The following OR9A2 variants were observed in gnomAD, a reference collection of about 807,000 sequenced individuals.
OR9A2 encodes the protein olfactory receptor 9A2.
A neutral mutation model predicts 18.7 loss-of-function variants in OR9A2; 14 were observed. The ratio of observed to expected loss-of-function variants is 0.75; its 90% CI spans 0.50 to 1.17. OR9A2 has a LOEUF of 1.17. Ranked by LOEUF, OR9A2 falls within the 50% of genes most tolerant of loss-of-function variation. OR9A2 has a pLI of 0.00. For synonymous variants in OR9A2, 142 were observed against 142.6 expected, an observed-to-expected ratio of 1.00 and a Z score of 0.03; for missense variants, 353 against 372.7, an observed-to-expected ratio of 0.95 and a Z score of 0.44.
rs947348213 is a variant in OR9A2, at chr7:143,026,300, G to T, written c.833C>A (p.Thr278Asn). 9.3e-6 allele frequency: 15 copies of T among 1,613,918 alleles called. No homozygotes were observed. Among genetic ancestry groups the T allele is most frequent in the Middle Eastern group, 1.6e-4 (1 of 6,084 alleles). Reference sequence around the variant, plus strand: ...AAAGATGAAAGGATTCAGGAAGGGGGTTAACACAGAAACCAACAGGGAAAC... The same window carrying T: ...AAAGATGAAAGGATTCAGGAAGGGGTTTAACACAGAAACCAACAGGGAAAC... ...KIVSLLVSVL[T>N]PFLNPFIFTL... is the part of the protein sequence containing the mutation. Residue 278 changes from threonine (T) to asparagine (N), a missense_variant, in exon 1 of 1, where the codon ACC (threonine) becomes AAC (asparagine). By Grantham distance (65) the Thr-to-Asn change is moderately conservative. Transcript: ENST00000350513.
In OR9A2 at chr7:143,026,656, T is replaced by C. The variant is rs551853129; in HGVS notation, c.477A>G (p.Thr159=). ...TTGATTTGCGGAAGGTAAACTGAAA[T>C]GTGGCATAGATGGGCCAGATTTCAG... is the stretch of plus-strand genomic sequence containing the variant. ...FLSEIWPIYA[T]FQFTFRKSNS... The change falls in exon 1 of 1, where the codon ACA becomes ACG. Residue 159 remains threonine, a synonymous_variant. Transcript: ENST00000350513. 1.2e-6 allele frequency: 2 copies of C among 1,614,058 alleles called. No individual in the cohort carries two copies. The highest frequency in any genetic ancestry group is 1.7e-6 in the Non-Finnish European group (2 of 1,180,048).
chr7:143,027,119 T>C lies in OR9A2; in HGVS notation c.14A>G (p.His5Arg). 1 of 1,591,926 alleles carries C rather than the reference T, an allele frequency of 6.3e-7. No individual in the cohort carries two copies. The highest frequency in any genetic ancestry group is 1.1e-5 in the South Asian group (1 of 87,028). Residue 5 changes from histidine to arginine, a missense_variant, in exon 1 of 1, where the codon CAC becomes CGC. Coordinates refer to ENST00000350513, the MANE Select transcript of OR9A2 (RefSeq NM_001001658.1). MMDN[H>R]SSATEFHLLG... ...AAGGTGGAATTCAGTGGCACTAGAG[T>C]GGTTGTCCATCATTTAGTCCTTGAT...
chr7:143,026,956 A>T lies in OR9A2; in HGVS notation c.177T>A (p.Tyr59Ter). The part of the protein sequence containing the change: ...CVDKRLQSPM[Y>*]FFLSHLSTLE... ...GGGTAGAGAGGTGGCTGAGGAAGAA[A>T]TACATGGGGGACTGCAGACGTTTAT... The change falls in exon 1 of 1, where the codon TAT (tyrosine) becomes TAA (stop). Residue 59 changes from tyrosine (Y) to a stop codon, truncating the protein, a stop_gained. Coordinates refer to ENST00000350513, the MANE Select transcript of OR9A2 (RefSeq NM_001001658.1). LOFTEE classifies it high-confidence loss of function. The T allele has an allele frequency of 6.2e-7, 1 of 1,614,186 alleles. No homozygotes were observed. The highest frequency in any genetic ancestry group is 8.5e-7 in the Non-Finnish European group (1 of 1,180,022).
rs771530982 is a variant in OR9A2 at position 143,026,375 on chromosome 7, A to C, written c.758T>G (p.Phe253Cys). 12 of 1,614,188 alleles carry C rather than the reference A, an allele frequency of 7.4e-6. No individual in the cohort carries two copies. Among genetic ancestry groups the C allele is most frequent in the Non-Finnish European group, 1.0e-5 (12 of 1,180,044 alleles). Residue 253 changes from phenylalanine (F) to cysteine (C), a missense_variant, in exon 1 of 1, where the codon TTT (phenylalanine) becomes TGT (cysteine). Coordinates refer to ENST00000350513, the MANE Select transcript of OR9A2 (RefSeq NM_001001658.1). ...CVVIGYGSCL[F>C]LYVKPKQTQG... ...TGTTTGCTTGGGTTTCACGTAGAGA[A>C]ACAAGCAGCTGCCATAGCCAATCAC...
At position 143,026,503 on chromosome 7, in the gene OR9A2, C is replaced by T. The variant is rs375038215; in HGVS notation, c.630G>A (p.Thr210=). 33 of 1,613,740 alleles carry T rather than the reference C, an allele frequency of 2.0e-5. No homozygotes were observed. Among genetic ancestry groups the T allele is most frequent in the East Asian group, 6.7e-5 (3 of 44,884 alleles). ...AGATAATGTAGGTGTAGGAGACAAT[C>T]GTAGGGATCAAAGAACCAATGAGAA... ...VFILIGSLIP[T]IVSYTYIIST... Residue 210 remains threonine (T), a synonymous_variant, in exon 1 of 1, where the codon ACG becomes ACA. Coordinates refer to ENST00000350513, the MANE Select transcript of OR9A2 (RefSeq NM_001001658.1).
At position 143,026,837 on chromosome 7, in the gene OR9A2, A is replaced by G. The variant is rs373701138; in HGVS notation, c.296T>C (p.Leu99Pro). The change falls in exon 1 of 1, where the codon CTC becomes CCC. Residue 99 changes from leucine to proline, a missense_variant. Leu to Pro is a moderately conservative substitution (Grantham distance 98). Transcript: ENST00000350513. ...CRQYLSLHVSLNFSCGTMEFA... is the reference protein window; with the variant it reads ...CRQYLSLHVSPNFSCGTMEFA... ...CTCCATGGTCCCACAGGAAAAGTTG[A>G]GCGATACATGTAGAGAAAGATACTG... is the stretch of plus-strand genomic sequence containing the variant. 3.1e-6 allele frequency: 5 copies of G among 1,614,082 alleles called. No homozygotes were observed. The highest frequency in any genetic ancestry group is 2.7e-5 in the African/African-American group (2 of 74,916).
Position 143,026,621 on chromosome 7 carries a change from T to G in OR9A2, c.512A>C (p.Asp171Ala). ...TTGCCCTCGGTCACAGTAAAAATGG[T>G]CTAATGAATTTGATTTGCGGAAGGT... ...QFTFRKSNSL[D>A]HFYCDRGQLL... Residue 171 changes from aspartate to alanine, a missense_variant, in exon 1 of 1, where the codon GAC becomes GCC. Physicochemically the swap from Asp to Ala is moderately radical, Grantham distance 126. Transcript: ENST00000350513. 2 of 1,614,166 alleles carry G rather than the reference T, an allele frequency of 1.2e-6. No homozygotes were observed. The highest frequency in any genetic ancestry group is 1.1e-5 in the South Asian group (1 of 91,084).
Position 143,027,055 on chromosome 7 carries a change from A to C in OR9A2, c.78T>G (p.Leu26=), listed in dbSNP as rs60968042. 5,371 of 1,613,916 alleles carry C rather than the reference A, an allele frequency of 3.3e-3. 144 individuals carry two copies. The African/African-American group carries it at 0.063, about 19-fold the overall frequency. Residue 26 remains leucine (L), a synonymous_variant, in exon 1 of 1, where the codon CTT becomes CTG. Transcript: ENST00000350513. The part of the protein sequence containing the change: ...FPGSQGLHHI[L]FAIFFFFYLV... ...AATAGAAGAAAAAGAATATAGCAAA[A>C]AGAATGTGGTGTAGTCCTTGGGACC... is the stretch of plus-strand genomic sequence containing the variant.
rs1310439359 is a variant in OR9A2, at chr7:143,027,016, C to T, written c.117G>A (p.Met39Ile). The T allele has an allele frequency of 1.9e-6, 3 of 1,613,928 alleles. No homozygotes were observed. The highest frequency in any genetic ancestry group is 2.5e-6 in the Non-Finnish European group (3 of 1,180,004). The change falls in exon 1 of 1, where the codon ATG (methionine) becomes ATA (isoleucine). Residue 39 changes from methionine (M) to isoleucine (I), a missense_variant. Physicochemically the swap from Met to Ile is conservative, Grantham distance 10. Coordinates refer to ENST00000350513, the MANE Select transcript of OR9A2 (RefSeq NM_001001658.1). ...CAATCACAATGATGACCGTGTTTCC[C>T]ATTAATGTCACTAAATAGAAGAAAA... ...IFFFFYLVTL[M>I]GNTVIIVIVC...
Position 143,027,019 on chromosome 7 carries a change from T to G in OR9A2, c.114A>C (p.Leu38Phe). Residue 38 changes from leucine to phenylalanine, a missense_variant, in exon 1 of 1, where the codon TTA becomes TTC. By Grantham distance (22) the Leu-to-Phe change is conservative (BLOSUM62 0). Coordinates refer to ENST00000350513, the MANE Select transcript of OR9A2 (RefSeq NM_001001658.1). The part of the protein sequence containing the change: ...AIFFFFYLVT[L>F]MGNTVIIVIV... ...TCACAATGATGACCGTGTTTCCCAT[T>G]AATGTCACTAAATAGAAGAAAAAGA... 6.2e-7 allele frequency: 1 copy of G among 1,614,004 alleles called. No homozygotes were observed. Among genetic ancestry groups the G allele is most frequent in the South Asian group, 1.1e-5 (1 of 91,050 alleles).
At position 143,026,274 on chromosome 7, in the gene OR9A2, T is replaced by C; in HGVS notation, c.859A>G (p.Thr287Ala). 1 of 1,613,182 alleles carries C rather than the reference T, an allele frequency of 6.2e-7. No individual in the cohort carries two copies. Among genetic ancestry groups the C allele is most frequent in the South Asian group, 1.1e-5 (1 of 90,966 alleles). Reference protein sequence around the residue: ...LTPFLNPFIFTLRNDKVKEAL... With the variant: ...LTPFLNPFIFALRNDKVKEAL... ...TCTTTGACTTTGTCATTCCGAAGAGTAAAGATGAAAGGATTCAGGAAGGGG... is the reference window on the plus strand; with the variant it reads ...TCTTTGACTTTGTCATTCCGAAGAGCAAAGATGAAAGGATTCAGGAAGGGG... The change falls in exon 1 of 1, where the codon ACT (threonine) becomes GCT (alanine). Residue 287 changes from threonine to alanine, a missense_variant. Thr to Ala is a moderately conservative substitution (Grantham distance 58, BLOSUM62 0). Coordinates refer to ENST00000350513, the MANE Select transcript of OR9A2 (RefSeq NM_001001658.1).
At position 143,026,949 on chromosome 7, in the gene OR9A2, G is replaced by A. The variant is rs773433596; in HGVS notation, c.184C>T (p.Leu62Phe). The change falls in exon 1 of 1, where the codon CTC becomes TTC. Residue 62 changes from leucine to phenylalanine, a missense_variant. Leu to Phe is a conservative substitution (Grantham distance 22, BLOSUM62 0). Coordinates refer to ENST00000350513, the MANE Select transcript of OR9A2 (RefSeq NM_001001658.1). Reference sequence around the variant, plus strand: ...ATCTCCAGGGTAGAGAGGTGGCTGAGGAAGAAATACATGGGGGACTGCAGA... The same window carrying A: ...ATCTCCAGGGTAGAGAGGTGGCTGAAGAAGAAATACATGGGGGACTGCAGA... Reference protein sequence around the residue: ...KRLQSPMYFFLSHLSTLEILV... With the variant: ...KRLQSPMYFFFSHLSTLEILV... 7 of 1,614,042 alleles carry A rather than the reference G, an allele frequency of 4.3e-6. No homozygotes were observed. The highest frequency in any genetic ancestry group is 5.1e-6 in the Non-Finnish European group (6 of 1,180,036).
In OR9A2 at chr7:143,026,776, A is replaced by G. The variant is rs749696120; in HGVS notation, c.357T>C (p.Tyr119=). ...ALLGVMAVDR[Y]VAVCNPLRYN... is the part of the protein sequence containing the mutation. Reference sequence around the variant, plus strand: ...ACCTCAAAGGGTTACACACAGCCACATAACGGTCCACAGCCATCACTCCAA... The same window carrying G: ...ACCTCAAAGGGTTACACACAGCCACGTAACGGTCCACAGCCATCACTCCAA... The change falls in exon 1 of 1, where the codon TAT becomes TAC. Residue 119 remains tyrosine, a synonymous_variant. Transcript: ENST00000350513. 1.9e-6 allele frequency: 3 copies of G among 1,614,178 alleles called. No homozygotes were observed. The highest frequency in any genetic ancestry group is 4.5e-5 in the East Asian group (2 of 44,872).
At position 143,026,551 on chromosome 7, in the gene OR9A2, G is replaced by C. The variant is rs1430946293; in HGVS notation, c.582C>G (p.Ile194Met). The C allele has an allele frequency of 6.2e-7, 1 of 1,614,192 alleles. No individual in the cohort carries two copies. The highest frequency in any genetic ancestry group is 8.5e-7 in the Non-Finnish European group (1 of 1,180,008). Residue 194 changes from isoleucine (I) to methionine (M), a missense_variant, in exon 1 of 1, where the codon ATC (isoleucine) becomes ATG (methionine). By Grantham distance (10) the Ile-to-Met change is conservative. Coordinates refer to ENST00000350513, the MANE Select transcript of OR9A2 (RefSeq NM_001001658.1). The stretch of plus-strand genomic sequence containing the variant: ...GAATAAAAACAGCCATTAAGAAAAG[G>C]ATAAACTCTGTGAGAAGAGTGTTAT... ...SCDNTLLTEFILFLMAVFILI... is the reference protein window; with the variant it reads ...SCDNTLLTEFMLFLMAVFILI...
Position 143,026,410 on chromosome 7 carries a change from G to A in OR9A2, c.723C>T (p.Phe241=), listed in dbSNP as rs1227618124. 3 of 1,614,190 alleles carry A rather than the reference G, an allele frequency of 1.9e-6. No individual in the cohort carries two copies. Among genetic ancestry groups the A allele is most frequent in the Non-Finnish European group, 2.5e-6 (3 of 1,180,030 alleles). ...TGCCATAGCCAATCACAACACAGGT[G>A]AAGTGGGAGGCAAAAGTGGAGAAGG... ...RKAFSTFASH[F]TCVVIGYGSC... The change falls in exon 1 of 1, where the codon TTC becomes TTT. Residue 241 remains phenylalanine (F), a synonymous_variant. Coordinates refer to ENST00000350513, the MANE Select transcript of OR9A2 (RefSeq NM_001001658.1).
In OR9A2 at chr7:143,026,471, A is replaced by T. The variant is rs778017383; in HGVS notation, c.662T>A (p.Ile221Asn). 17 of 1,614,046 alleles carry T rather than the reference A, an allele frequency of 1.1e-5. No individual in the cohort carries two copies. The highest frequency in any genetic ancestry group is 4.0e-5 in the African/African-American group (3 of 74,910). The change falls in exon 1 of 1, where the codon ATC (isoleucine) becomes AAC (asparagine). Residue 221 changes from isoleucine (I) to asparagine (N), a missense_variant. Coordinates refer to ENST00000350513, the MANE Select transcript of OR9A2 (RefSeq NM_001001658.1). ...IVSYTYIISTILKIPSASGRR... is the reference protein window; with the variant it reads ...IVSYTYIISTNLKIPSASGRR... ...GCCAGAGGCTGACGGGATCTTGAGGATGGTGGAGATAATGTAGGTGTAGGA... is the reference window on the plus strand; with the variant it reads ...GCCAGAGGCTGACGGGATCTTGAGGTTGGTGGAGATAATGTAGGTGTAGGA...
rs1397448898 is a variant in OR9A2 at position 143,026,314 on chromosome 7, C to T, written c.819G>A (p.Leu273=). The change falls in exon 1 of 1, where the codon TTG becomes TTA. Residue 273 remains leucine (L), a synonymous_variant. Transcript: ENST00000350513. ...GVEYNKIVSL[L]VSVLTPFLNP... is the part of the protein sequence containing the mutation. Reference sequence around the variant, plus strand: ...TCAGGAAGGGGGTTAACACAGAAACCAACAGGGAAACTATCTTATTGTACT... The same window carrying T: ...TCAGGAAGGGGGTTAACACAGAAACTAACAGGGAAACTATCTTATTGTACT... 1.2e-6 allele frequency: 2 copies of T among 1,613,870 alleles called. No homozygotes were observed. The highest frequency in any genetic ancestry group is 1.7e-6 in the Non-Finnish European group (2 of 1,179,996).
rs1797859071 is a variant in OR9A2 at position 143,027,112 on chromosome 7, A to T, written c.21T>A (p.Ser7Arg). The T allele has an allele frequency of 1.9e-6, 3 of 1,598,762 alleles. No homozygotes were observed. Among genetic ancestry groups the T allele is most frequent in the Non-Finnish European group, 2.6e-6 (3 of 1,172,022 alleles). ...AGCCTAGAAGGTGGAATTCAGTGGCACTAGAGTGGTTGTCCATCATTTAGT... is the reference window on the plus strand; with the variant it reads ...AGCCTAGAAGGTGGAATTCAGTGGCTCTAGAGTGGTTGTCCATCATTTAGT... MMDNHSSATEFHLLGFP... is the reference protein window; with the variant it reads MMDNHSRATEFHLLGFP... The change falls in exon 1 of 1, where the codon AGT (serine) becomes AGA (arginine). Residue 7 changes from serine (S) to arginine (R), a missense_variant. Physicochemically the swap from Ser to Arg is moderately radical, Grantham distance 110. Transcript: ENST00000350513.
At position 143,026,829 on chromosome 7, in the gene OR9A2, A is replaced by G; in HGVS notation, c.304T>C (p.Ser102Pro). The stretch of plus-strand genomic sequence containing the variant: ...AATGCAAACTCCATGGTCCCACAGG[A>G]AAAGTTGAGCGATACATGTAGAGAA... The part of the protein sequence containing the change: ...YLSLHVSLNF[S>P]CGTMEFALLG... The change falls in exon 1 of 1, where the codon TCC becomes CCC. Residue 102 changes from serine (S) to proline (P), a missense_variant. Ser to Pro is a moderately conservative substitution (Grantham distance 74). Transcript: ENST00000350513. 6.2e-7 allele frequency: 1 copy of G among 1,614,190 alleles called. No individual in the cohort carries two copies. Among genetic ancestry groups the G allele is most frequent in the Non-Finnish European group, 8.5e-7 (1 of 1,180,034 alleles).
Sources: gnomAD v4.1 joint callset for allele counts on GRCh38, gnomAD v4.1.1 for gene constraint, MANE v1.5 for transcripts, NCBI Gene and HGNC (gene_info 2026-07-23, HGNC 2026-07-21) for gene names.